The following EPB41L3 variants were observed in gnomAD, a reference collection of about 807,000 sequenced individuals.
EPB41L3 encodes the protein band 4.1-like protein 3.
Under a neutral mutation model 127.1 loss-of-function variants are expected in EPB41L3, and 57 were observed. That is an observed-to-expected ratio of 0.45 (90% CI 0.36 to 0.56). The LOEUF (loss-of-function observed/expected upper bound fraction) is 0.56. Among genes scored for constraint, EPB41L3 ranks in the 20% least tolerant of loss-of-function variants. The probability of loss-of-function intolerance (pLI) is 0.00; values close to 1 mark genes in which losing one functional copy is unlikely to be tolerated. For synonymous variants in EPB41L3, 572 were observed against 549.5 expected (o/e 1.04, Z -0.57); for missense variants, 1,273 against 1,372.2 (o/e 0.93, Z 1.14).
At chr18:5,602,525 G>A (rs1317383404) in intron 3 of EPB41L3, among the ~76,000 whole-genome samples, 1 of 152,112 alleles carries the variant, frequency 6.6e-6, no homozygotes, top group Non-Finnish European at 1.5e-5. Context: ...GCTCACCGTA[G>A]CCTCAAACTC....
intron 3 of EPB41L3, among the ~76,000 whole-genome samples, chr18:5,555,047 C>T (rs893083973): frequency 2.6e-5 from 4 of 152,208 alleles, no homozygotes; most frequent in South Asian, 4.1e-4. Flanking sequence ...CTTTTGATTG[C>T]GCTTCACATG....
At chr18:5,559,132 CA>C (rs2094085307) in intron 3 of EPB41L3, among the ~76,000 whole-genome samples, 1 of 152,068 alleles carries the variant, frequency 6.6e-6, no homozygotes, top group Admixed American at 6.5e-5. Context: ...TTTTGATCTT[CA>C]AAATATTTGG....
In EPB41L3 at chr18:5,406,865, T is replaced by G; in HGVS notation, c.2261A>C (p.Glu754Ala). ...ETSTDTAVTN[E>A]WEKRLSTSPV... ...GGAGGTGGAAAGCCTCTTCTCCCATTCATTCGTTACGGCAGTGTCTGTTGA... is the reference window on the plus strand; with the variant it reads ...GGAGGTGGAAAGCCTCTTCTCCCATGCATTCGTTACGGCAGTGTCTGTTGA... Residue 754 changes from glutamate (E) to alanine (A), a missense_variant, in exon 16 of 23, where the codon GAA becomes GCA. This residue lies in a region of EPB41L3 where 765 missense variants were observed against 782.9 expected (regional missense o/e 0.98). Transcript: ENST00000341928. 1 of 1,614,206 alleles carries G rather than the reference T, an allele frequency of 6.2e-7. No homozygotes were observed. Among genetic ancestry groups the G allele is most frequent in the Non-Finnish European group, 8.5e-7 (1 of 1,180,026 alleles).
intron 6 of EPB41L3, 98 bp downstream of exon 6, chr18:5,437,937 G>A (rs1179649957): frequency 9.5e-6 from 10 of 1,056,098 alleles, no homozygotes; most frequent in Non-Finnish European, 1.2e-5. Context: ...GTGGATGATT[G>A]TAAGGCTACC....
intron 3 of EPB41L3, among the ~76,000 whole-genome samples, chr18:5,601,605 A>C (rs1288923996): frequency 6.6e-6 from 1 of 152,182 alleles, no homozygotes; most frequent in Non-Finnish European, 1.5e-5. Context: ...CCTTTGAACA[A>C]GTACGAATCA....
At position 5,613,438 on chromosome 18, in the gene EPB41L3, T is replaced by C. The variant is rs181039776; in HGVS notation, c.-395+913A>G. On this transcript the variant is annotated intron_variant, in intron 2 of 21. Coordinates refer to the EPB41L3 transcript ENST00000545076. ...TGTCCAAATGCGACAAGGTATGCTA[T>C]AGTCTCAACCTAAATTCCTAGCCCT... 1.4e-4 allele frequency among the ~76,000 whole-genome samples: 21 copies of C among 152,324 alleles called. 1 individual carries two copies. In the East Asian group the frequency reaches 2.3e-3, roughly 17 times the overall value.
intron 3 of EPB41L3, among the ~76,000 whole-genome samples, chr18:5,562,568 A>G (rs931302335): frequency 7.2e-5 from 11 of 152,250 alleles, no homozygotes; most frequent in African/African-American, 2.7e-4. Context: ...CCAACCTCGT[A>G]AAGCTAGAAA....
intron 1 of EPB41L3, among the ~76,000 whole-genome samples, chr18:5,615,202 CT>C (rs112471454): frequency 1.3e-5 from 2 of 151,206 alleles, no homozygotes; most frequent in East Asian, 1.9e-4. Flanking sequence ...CTAATTCAGA[CT>C]TTTTTTTTAA....
At chr18:5,598,042 G>C (rs2094553870) in intron 3 of EPB41L3, among the ~76,000 whole-genome samples, 1 of 152,106 alleles carries the variant, frequency 6.6e-6, no homozygotes, top group South Asian at 2.1e-4. Context: ...TTCAGATCTG[G>C]GAAATAAAAG....
intron 10 of EPB41L3, among the ~76,000 whole-genome samples, chr18:5,423,959 G>T (rs2077814544): frequency 6.6e-6 from 1 of 152,156 alleles, no homozygotes; most frequent in Non-Finnish European, 1.5e-5. Flanking sequence ...CACTGAAATA[G>T]TAAGGAATTG....
intron 10 of EPB41L3, among the ~76,000 whole-genome samples, chr18:5,423,834 A>G (rs776517529): frequency 2.6e-5 from 4 of 152,214 alleles, no homozygotes; most frequent in African/African-American, 4.8e-5. Flanking sequence ...CCAAACAGCT[A>G]CTAAATAGTT....
At chr18:5,431,406 T>C (rs1033185373) in intron 8 of EPB41L3, 1 of 152,234 alleles carries the variant, frequency 6.6e-6, no homozygotes, top group Admixed American at 6.5e-5. Flanking sequence ...AAATGGAGTC[T>C]ATAACTGAAT....
In EPB41L3 at chr18:5,458,467, C is replaced by T. The variant is rs193001962; in HGVS notation, c.382-13223G>A. Among the ~76,000 whole-genome samples, 261 of 152,242 alleles carry T rather than the reference C, an allele frequency of 1.7e-3. 1 individual carries two copies. Among genetic ancestry groups the T allele is most frequent in the South Asian group, 2.3e-3 (11 of 4,822 alleles). On this transcript the variant is annotated intron_variant, in intron 3 of 22. Transcript: ENST00000341928. The stretch of plus-strand genomic sequence containing the variant: ...CTTGGCTAAACTGTATTAGGCCACT[C>T]GAATCGCCCAGTTATCAACACACCT...
intron 1 of EPB41L3, among the ~76,000 whole-genome samples, chr18:5,541,340 A>G (rs2093725262): frequency 6.6e-6 from 1 of 150,434 alleles, no homozygotes; most frequent in South Asian, 2.1e-4. Flanking sequence ...TCTTCAGTCT[A>G]CTCTTGGAGT....
At chr18:5,545,871 CTCTGTGTG>C (rs929251124), upstream of EPB41L3, among the ~76,000 whole-genome samples, 17 of 93,292 alleles carry the variant, frequency 1.8e-4, no homozygotes, top group Non-Finnish European at 3.2e-4. Flanking sequence ...ACCTGTATGA[CTCTGTGTG>C]TGTGTGTGTG....
intron 6 of EPB41L3, among the ~76,000 whole-genome samples, chr18:5,437,748 C>T (rs1247020610): frequency 1.3e-5 from 2 of 152,160 alleles, no homozygotes; most frequent in Non-Finnish European, 2.9e-5. Flanking sequence ...AGGCTGAATT[C>T]CATCCAATTT....
At chr18:5,529,468 C>T (rs2093342266) in intron 1 of EPB41L3, among the ~76,000 whole-genome samples, 2 of 152,086 alleles carry the variant, frequency 1.3e-5, no homozygotes, top group Admixed American at 1.3e-4. Context: ...ACCCTCAGAA[C>T]ACAGGGGGTT....
chr18:5,498,352 G>A (rs2091380232), intron 1 of EPB41L3, among the ~76,000 whole-genome samples: 1 of 152,132 alleles, frequency 6.6e-6, no homozygotes, highest in Non-Finnish European at 1.5e-5. Flanking sequence ...CCAACACTTT[G>A]GGAGGCTGAG....
chr18:5,541,252 CAAAAA>C (rs370717420), intron 1 of EPB41L3, among the ~76,000 whole-genome samples: 12 of 46,764 alleles, frequency 2.6e-4, no homozygotes, highest in South Asian at 3.1e-3. Flanking sequence ...GACTCCATCT[CAAAAA>C]AAAAAAAAAA....
Sources: gnomAD v4.1 joint callset for allele counts (sites outside exome capture counted in the v4.1 genomes callset) on GRCh38, gnomAD v4.1.1 for gene constraint, gnomAD v4.1.1 regional missense constraint, MANE v1.5 for transcripts, NCBI Gene and HGNC (gene_info 2026-07-23, HGNC 2026-07-21) for gene names.